Variants in AGO4 observed in about 807,000 individuals in gnomAD.
AGO4 encodes the protein protein argonaute-4.
Under a neutral mutation model 104.7 loss-of-function variants are expected in AGO4, and 33 were observed. The ratio of observed to expected loss-of-function variants is 0.32; its 90% confidence interval spans 0.24 to 0.42. AGO4 has a LOEUF of 0.42. Among genes scored for constraint, AGO4 ranks in the 10% least tolerant of loss-of-function variants. The pLI, the probability that AGO4 is intolerant of heterozygous loss-of-function variation, is 1.00. For missense variants in AGO4, 711 were observed against 1,083.4 expected, an observed-to-expected ratio of 0.66 and a Z score of 4.83; for synonymous variants, 331 against 364.7, an observed-to-expected ratio of 0.91 and a Z score of 1.05.
At chr1:35,810,600 A>G (rs1414870261) in intron 1 of AGO4, among the ~76,000 whole-genome samples, 1 of 152,186 alleles carries the variant, frequency 6.6e-6, no homozygotes, top group Non-Finnish European at 1.5e-5. Flanking sequence ...TCTGGGAGGT[A>G]GGCAGGGCAG....
chr1:35,812,396 T>C lies in AGO4; in HGVS notation c.19+3961T>C, dbSNP rs999239364. The stretch of plus-strand genomic sequence containing the variant: ...TTCAATTCTTCTGCCTCTGCCTCTT[T>C]GACATTCAAGTACTTCAGATAATAA... On this transcript the variant is annotated intron_variant, in intron 1 of 17. Coordinates refer to ENST00000373210, the MANE Select transcript of AGO4 (RefSeq NM_017629.4). 3.3e-5 allele frequency among the ~76,000 whole-genome samples: 5 copies of C among 152,196 alleles called. No individual in the cohort carries two copies. The South Asian group carries it at 1.0e-3, about 31-fold the overall frequency.
At chr1:35,819,717 A>C (rs1262859912) in intron 2 of AGO4, among the ~76,000 whole-genome samples, 2 of 113,942 alleles carry the variant, frequency 1.8e-5, no homozygotes. Flanking sequence ...TATTCGACAG[A>C]GTGAGACTCT....
chr1:35,829,157 C>T (rs1258318246), intron 7 of AGO4, among the ~76,000 whole-genome samples: 1 of 151,864 alleles, frequency 6.6e-6, no homozygotes, highest in Non-Finnish European at 1.5e-5. Context: ...TTGAAATTTT[C>T]AGATGGCTTC....
At chr1:35,821,997 C>T (rs139596838) in intron 2 of AGO4, among the ~76,000 whole-genome samples, 13,630 of 151,754 alleles carry the variant, frequency 0.09, 2,112 homozygotes, top group East Asian at 0.7. Flanking sequence ...AAGCGATTCT[C>T]GTGCCTCAGC....
In AGO4 at chr1:35,841,125, T is replaced by C. The variant is rs1196639648; in HGVS notation, c.1725-40T>C. The C allele has an allele frequency of 5.1e-6, 8 of 1,580,902 alleles. No homozygotes were observed. The South Asian group carries it at 7.9e-5, about 16-fold the overall frequency. On this transcript the variant is annotated intron_variant, in intron 13 of 17. Transcript: ENST00000373210. This position sits in a 1 kb window ranked among gnomAD's most constrained non-coding sequence, Gnocchi z 4.7. ...TCTTGCTAAACTCAAACATTTTCAC[T>C]TATATGTCTGAGTGGCAACATCTCC...
At chr1:35,852,191 C>T (rs1331198039) in intron 17 of AGO4, among the ~76,000 whole-genome samples, 3 of 152,042 alleles carry the variant, frequency 2.0e-5, no homozygotes, top group South Asian at 2.1e-4. Flanking sequence ...AAAGCAAGAC[C>T]GTGTTTGTTA....
chr1:35,852,997 T>A (rs1339218524), intron 17 of AGO4, among the ~76,000 whole-genome samples: 1 of 152,180 alleles, frequency 6.6e-6, no homozygotes, highest in African/African-American at 2.4e-5. Context: ...ACGCCTGTAA[T>A]CCCAGCACTT....
chr1:35,817,621 G>A (rs1324813982), intron 2 of AGO4, among the ~76,000 whole-genome samples: 5 of 152,124 alleles, frequency 3.3e-5, no homozygotes, highest in African/African-American at 7.2e-5. Context: ...CAGCCCTGTA[G>A]CAAATATTCT....
chr1:35,826,607 C>A, intron 6 of AGO4, 141 bp from the exon 7 acceptor site: 1 of 741,448 alleles, frequency 1.3e-6, no homozygotes, highest in Non-Finnish European at 2.3e-6. Context: ...AGGTTTTTTG[C>A]CTATAACGAT....
chr1:35,842,176 G>A (rs997652404), intron 15 of AGO4, among the ~76,000 whole-genome samples: 1 of 152,066 alleles, frequency 6.6e-6, no homozygotes, highest in Non-Finnish European at 1.5e-5. Context: ...CCCAGACTGT[G>A]GACTGGTAAC....
intron 11 of AGO4, among the ~76,000 whole-genome samples, chr1:35,832,936 G>C (rs1213690650): frequency 6.6e-6 from 1 of 152,100 alleles, no homozygotes; most frequent in Non-Finnish European, 1.5e-5. Flanking sequence ...TTTATTGCAA[G>C]GTCTCTGGGT....
chr1:35,831,235 G>A (rs573247424), intron 7 of AGO4, among the ~76,000 whole-genome samples, 192 bp from the exon 8 acceptor site: 25 of 151,916 alleles, frequency 1.6e-4, no homozygotes, highest in East Asian at 5.8e-4. Flanking sequence ...GGTGGCACAC[G>A]CCTATAATCC....
Position 35,831,948 on chromosome 1 carries a change from C to A in AGO4, c.1116+17C>A. On this transcript the variant is annotated intron_variant, in intron 9 of 17. Coordinates refer to ENST00000373210, the MANE Select transcript of AGO4 (RefSeq NM_017629.4). ...AGTAGACTGGTCAGTAAGGCATGGT[C>A]TTCAAGATGAGCTAGCTTTGAGATG... The A allele has an allele frequency of 6.2e-7, 1 of 1,612,344 alleles. No individual in the cohort carries two copies. Among genetic ancestry groups the A allele is most frequent in the South Asian group, 1.1e-5 (1 of 90,628 alleles).
intron 17 of AGO4, among the ~76,000 whole-genome samples, chr1:35,851,373 G>A (rs556140306): frequency 1.1e-4 from 17 of 152,264 alleles, no homozygotes; most frequent in East Asian, 1.9e-4. Flanking sequence ...CCCTGGCTCC[G>A]GTCAAAGTAG....
chr1:35,817,961 C>T (rs1216674813), intron 2 of AGO4, among the ~76,000 whole-genome samples: 2 of 152,004 alleles, frequency 1.3e-5, no homozygotes, highest in Admixed American at 6.6e-5. Context: ...GGGAATTCAC[C>T]ATGAACAAAA....
chr1:35,853,689 C>T lies in AGO4; in HGVS notation c.*84C>T. On this transcript the variant is annotated 3_prime_UTR_variant, in exon 18 of 18. Transcript: ENST00000373210. Reference sequence around the variant, plus strand: ...AATGCCTACCGCCTCTAGATCGAGCCACGTTGACTTCAGGTGGTCTTCTAC... The same window carrying T: ...AATGCCTACCGCCTCTAGATCGAGCTACGTTGACTTCAGGTGGTCTTCTAC... 1.8e-6 allele frequency: 2 copies of T among 1,136,254 alleles called. No homozygotes were observed. Among genetic ancestry groups the T allele is most frequent in the Non-Finnish European group, 2.6e-6 (2 of 771,718 alleles). 70.4% of individuals were successfully genotyped at this position (1,136,254 alleles called of 1,614,324 possible).
At chr1:35,830,606 A>G (rs1288035152) in intron 7 of AGO4, among the ~76,000 whole-genome samples, 1 of 152,208 alleles carries the variant, frequency 6.6e-6, no homozygotes, top group Non-Finnish European at 1.5e-5. Flanking sequence ...TTTAACCAAC[A>G]TGGAAAATTT....
rs1296120677 is a variant in AGO4, at chr1:35,850,881, G to A, written c.2305G>A (p.Val769Ile). 2 of 1,613,180 alleles carry A rather than the reference G, an allele frequency of 1.2e-6. No individual in the cohort carries two copies. Among genetic ancestry groups the A allele is most frequent in the Non-Finnish European group, 1.7e-6 (2 of 1,179,936 alleles). Residue 769 changes from valine (V) to isoleucine (I), a missense_variant, in exon 17 of 18, where the codon GTC (valine) becomes ATC (isoleucine). This residue lies in a region of AGO4 where 401 missense variants were observed against 665.5 expected (regional missense o/e 0.60). Coordinates refer to ENST00000373210, the MANE Select transcript of AGO4 (RefSeq NM_017629.4). ...QGTSRPSHYQ[V>I]LWDDNCFTAD... ...AACCAGCCGTCCCTCACATTACCAG[G>A]TCTTGTGGGATGACAACTGCTTCAC...
At chr1:35,819,688 G>A (rs1571263163) in intron 2 of AGO4, among the ~76,000 whole-genome samples, 2 of 140,476 alleles carry the variant, frequency 1.4e-5, no homozygotes, top group Admixed American at 7.7e-5. Flanking sequence ...AGCTGAGATC[G>A]TGCTACTGCA....
Sources: allele counts gnomAD v4.1 joint callset (sites outside exome capture counted in the v4.1 genomes callset), GRCh38; gene constraint gnomAD v4.1.1; regional missense constraint gnomAD v4.1.1; non-coding constraint Gnocchi (gnomAD v3.1); transcripts MANE v1.5; gene names NCBI Gene and HGNC (gene_info 2026-07-23, HGNC 2026-07-21).